Variants in TAFA2 observed in about 807,000 individuals in gnomAD.
The protein encoded by TAFA2 is TAFA chemokine like family member 2.
A neutral mutation model predicts 18.8 loss-of-function variants in TAFA2; 7 were observed. The observed-to-expected ratio is 0.37, with a 90% CI of 0.21 to 0.70. The LOEUF is 0.70. Ranked by LOEUF, TAFA2 falls within the 30% of genes least tolerant of loss-of-function variation. The probability of loss-of-function intolerance (pLI) is 0.53; values close to 1 mark genes in which losing one functional copy is unlikely to be tolerated. For missense variants in TAFA2, 122 were observed against 158.1 expected (o/e 0.77, Z 1.23); for synonymous variants, 60 against 54.2 (o/e 1.11, Z -0.47).
At chr12:61,988,372 A>T (rs1203535847) in intron 1 of TAFA2, among the ~76,000 whole-genome samples, 1 of 152,188 alleles carries the variant, frequency 6.6e-6, no homozygotes, top group East Asian at 1.9e-4. Flanking sequence ...AAAATACATA[A>T]AATAGTTAAT....
At chr12:62,034,373 T>C (rs1881545298) in intron 1 of TAFA2, among the ~76,000 whole-genome samples, 1 of 152,208 alleles carries the variant, frequency 6.6e-6, no homozygotes, top group Non-Finnish European at 1.5e-5. Flanking sequence ...AAAGGGCCAA[T>C]GATTCAGCCA....
At chr12:61,841,168 T>C (rs982727053) in intron 2 of TAFA2, among the ~76,000 whole-genome samples, 3 of 152,078 alleles carry the variant, frequency 2.0e-5, no homozygotes, top group African/African-American at 4.8e-5. Flanking sequence ...ATATCCACCA[T>C]GGACAATGTG....
At chr12:61,721,423 T>TA (rs1356819172) in intron 4 of TAFA2, among the ~76,000 whole-genome samples, 2 of 152,272 alleles carry the variant, frequency 1.3e-5, no homozygotes, top group East Asian at 3.9e-4. Flanking sequence ...ATGCCTAGAG[T>TA]AATTTATAAT....
At chr12:61,877,815 T>G (rs1221823373) in intron 1 of TAFA2, among the ~76,000 whole-genome samples, 3 of 152,020 alleles carry the variant, frequency 2.0e-5, no homozygotes, top group Non-Finnish European at 4.4e-5. Context: ...GAGTACTCTG[T>G]AAACTGTATA....
At position 62,203,743 on chromosome 12, in the gene TAFA2, C is replaced by T. The variant is rs142327539; in HGVS notation, c.-130+55020G>A. Among the ~76,000 whole-genome samples, 490 of 152,224 alleles carry T rather than the reference C, an allele frequency of 3.2e-3. 1 individual carries two copies. The highest frequency in any genetic ancestry group is 0.01 in the African/African-American group (426 of 41,548). On this transcript the variant is annotated intron_variant, in intron 1 of 5. Transcript: ENST00000551619. The stretch of plus-strand genomic sequence containing the variant: ...CTATGTGTGTCTTCGCCCATGAGCT[C>T]AGTCTCTTGAATACAACATACCAAT...
At chr12:61,815,884 C>T (rs1054870195) in intron 2 of TAFA2, among the ~76,000 whole-genome samples, 2 of 151,062 alleles carry the variant, frequency 1.3e-5, no homozygotes, top group Non-Finnish European at 2.9e-5. Flanking sequence ...ACAAAATTGT[C>T]GCTGTTCTCA....
At chr12:61,777,359 C>T (rs527411365) in intron 2 of TAFA2, among the ~76,000 whole-genome samples, 19 of 151,696 alleles carry the variant, frequency 1.3e-4, no homozygotes, top group African/African-American at 4.6e-4. Context: ...GTAGGGAAAG[C>T]TCTTAACACT....
At chr12:61,977,932 C>T (rs886144038) in intron 1 of TAFA2, among the ~76,000 whole-genome samples, 9 of 151,876 alleles carry the variant, frequency 5.9e-5, no homozygotes, top group African/African-American at 1.5e-4. Context: ...AAAAGGAAAT[C>T]GTTCCACTGA....
chr12:62,220,618 G>T (rs1008863644), intron 1 of TAFA2, among the ~76,000 whole-genome samples: 1 of 152,220 alleles, frequency 6.6e-6, no homozygotes, highest in Admixed American at 6.5e-5. Flanking sequence ...ATCAATGTAA[G>T]TTCATTGACT....
At chr12:61,729,325 C>T (rs1023506204) in intron 4 of TAFA2, among the ~76,000 whole-genome samples, 3 of 151,882 alleles carry the variant, frequency 2.0e-5, no homozygotes, top group Non-Finnish European at 4.4e-5. Flanking sequence ...AATAAGTTTT[C>T]TAAAGTTTTA....
intron 1 of TAFA2, among the ~76,000 whole-genome samples, chr12:61,963,509 T>C (rs1350944406): frequency 1.3e-5 from 2 of 152,088 alleles, no homozygotes; most frequent in Admixed American, 6.6e-5. Context: ...GAGAAGTGTC[T>C]GTTCATATCC....
chr12:62,257,257 C>T (rs2062945358), intron 1 of TAFA2, among the ~76,000 whole-genome samples: 1 of 151,350 alleles, frequency 6.6e-6, no homozygotes, highest in Admixed American at 6.6e-5. Flanking sequence ...CTCATGTAGC[C>T]AGTCCCACAA....
intron 1 of TAFA2, among the ~76,000 whole-genome samples, chr12:62,141,110 A>T (rs1170962073): frequency 6.6e-6 from 1 of 152,222 alleles, no homozygotes; most frequent in Non-Finnish European, 1.5e-5. Context: ...AGTTAAGTAA[A>T]TTGTCCAAGG....
In TAFA2 at chr12:62,088,880, T is replaced by TTCTC. The variant is rs35124773; in HGVS notation, c.-2+102375_-2+102378dup. ...AAATACCTGCTACATATGTTTTTCTTTCTCTCTCTCTCTCTCTCTCTCTCT... is the reference window on the plus strand; with the variant it reads ...AAATACCTGCTACATATGTTTTTCTTTCTCTCTCTCTCTCTCTCTCTCTCTCTCT... On this transcript the variant is annotated intron_variant, in intron 1 of 4. Coordinates refer to ENST00000416284, the MANE Select transcript of TAFA2 (RefSeq NM_178539.5). 1.5e-3 allele frequency among the ~76,000 whole-genome samples: 229 copies of TTCTC among 149,310 alleles called. 1 individual carries two copies. Among genetic ancestry groups the TTCTC allele is most frequent in the South Asian group, 8.5e-3 (40 of 4,708 alleles).
chr12:61,816,176 A>G (rs974216883), intron 2 of TAFA2, among the ~76,000 whole-genome samples: 6 of 150,818 alleles, frequency 4.0e-5, no homozygotes, highest in Admixed American at 3.9e-4. Context: ...CCCTCCTCTC[A>G]CCCTCCACCA....
intron 2 of TAFA2, among the ~76,000 whole-genome samples, chr12:61,856,672 T>A (rs911001009): frequency 5.0e-4 from 76 of 152,098 alleles, no homozygotes; most frequent in African/African-American, 1.8e-3. Context: ...TTTCTAAATA[T>A]CCTGAGTACA....
At chr12:61,943,771 G>T (rs1472913321) in intron 1 of TAFA2, among the ~76,000 whole-genome samples, 1 of 141,342 alleles carries the variant, frequency 7.1e-6, no homozygotes, top group East Asian at 2.1e-4. Flanking sequence ...AAATATATAT[G>T]CACCCAATAC....
chr12:62,099,707 A>G (rs1253593762), intron 1 of TAFA2, among the ~76,000 whole-genome samples: 4 of 152,168 alleles, frequency 2.6e-5, no homozygotes, highest in African/African-American at 9.6e-5. Context: ...GCAATATGCC[A>G]GGCCCTTGCT....
At chr12:62,077,132 T>C (rs961613356) in intron 1 of TAFA2, among the ~76,000 whole-genome samples, 5 of 152,208 alleles carry the variant, frequency 3.3e-5, no homozygotes, top group Admixed American at 2.0e-4. Context: ...ATTATTAAAG[T>C]CATTAATTAC....
Sources: allele counts gnomAD v4.1 joint callset (sites outside exome capture counted in the v4.1 genomes callset), GRCh38; gene constraint gnomAD v4.1.1; transcripts MANE v1.5; gene names NCBI Gene and HGNC (gene_info 2026-07-23, HGNC 2026-07-21).